The following KCNIP1 variants were observed in gnomAD, a reference collection of about 807,000 sequenced individuals.
KCNIP1 encodes potassium voltage-gated channel interacting protein 1, also known as A-type potassium channel modulatory protein KCNIP1.
KCNIP1 carries 18 observed loss-of-function variants against 33.0 expected under a neutral mutation model. The observed-to-expected ratio is 0.55, with a 90% CI of 0.38 to 0.81. The LOEUF (loss-of-function observed/expected upper bound fraction) is 0.81. Among genes scored for constraint, KCNIP1 ranks in the 30% least tolerant of loss-of-function variants. The pLI, the probability that KCNIP1 is intolerant of heterozygous loss-of-function variation, is 0.00. For missense variants in KCNIP1, 238 were observed against 271.6 expected, an observed-to-expected ratio of 0.88 and a Z score of 0.87; for synonymous variants, 93 against 98.3, an observed-to-expected ratio of 0.95 and a Z score of 0.32.
intron 1 of KCNIP1, among the ~76,000 whole-genome samples, chr5:170,709,767 A>C (rs1411377103): frequency 6.6e-6 from 1 of 151,952 alleles, no homozygotes; most frequent in Admixed American, 6.6e-5. Flanking sequence ...CTTCATTATC[A>C]TTATTTATCT....
chr5:170,385,249 T>C, intron 1 of KCNIP1: 1 of 1,579,836 alleles, frequency 6.3e-7, no homozygotes, highest in Non-Finnish European at 8.7e-7. Context: ...AAGGCCAGGG[T>C]TCCTTACAGA....
intron 1 of KCNIP1, among the ~76,000 whole-genome samples, chr5:170,707,547 A>G (rs150079206): frequency 1.2e-3 from 185 of 152,364 alleles, no homozygotes; most frequent in African/African-American, 4.3e-3. Flanking sequence ...TGGACTTTTA[A>G]TAATTGCATT....
intron 1 of KCNIP1, among the ~76,000 whole-genome samples, chr5:170,610,223 GA>G (rs1440738870): frequency 1.3e-5 from 2 of 152,180 alleles, no homozygotes; most frequent in African/African-American, 4.8e-5. Context: ...ACATGCTGAG[GA>G]GTACGAACCA....
At chr5:170,461,125 G>C (rs1756492498) in intron 1 of KCNIP1, among the ~76,000 whole-genome samples, 2 of 152,002 alleles carry the variant, frequency 1.3e-5, no homozygotes, top group Non-Finnish European at 2.9e-5. Flanking sequence ...ACCTCTACAA[G>C]GAAGACTACA....
intron 1 of KCNIP1, among the ~76,000 whole-genome samples, chr5:170,696,193 C>T (rs1762888243): frequency 6.6e-6 from 1 of 152,276 alleles, no homozygotes; most frequent in South Asian, 2.1e-4. Flanking sequence ...CCTTCATACA[C>T]TTCCCTCACT....
intron 1 of KCNIP1, among the ~76,000 whole-genome samples, chr5:170,454,058 G>T (rs1756318145): frequency 6.6e-6 from 1 of 152,202 alleles, no homozygotes; most frequent in Admixed American, 6.5e-5. Flanking sequence ...TATGTTAGTT[G>T]TTACACAGTT....
chr5:170,693,340 T>C (rs1482746230), intron 1 of KCNIP1, among the ~76,000 whole-genome samples: 1 of 152,160 alleles, frequency 6.6e-6, no homozygotes, highest in Non-Finnish European at 1.5e-5. Context: ...AGTCTACCAG[T>C]CCTCCCTCCT....
At chr5:170,579,491 C>T (rs1206565363) in intron 1 of KCNIP1, among the ~76,000 whole-genome samples, 2 of 152,154 alleles carry the variant, frequency 1.3e-5, no homozygotes, top group African/African-American at 2.4e-5. Context: ...TAAGCAGAAG[C>T]TGGCCCTAGA....
intron 1 of KCNIP1, among the ~76,000 whole-genome samples, chr5:170,425,811 T>C (rs947639584): frequency 1.1e-4 from 16 of 152,200 alleles, no homozygotes; most frequent in African/African-American, 3.6e-4. Flanking sequence ...AGGAGCCACC[T>C]TCCTGCAGGC....
chr5:170,448,140 T>C (rs546987830), intron 1 of KCNIP1, among the ~76,000 whole-genome samples: 4 of 148,706 alleles, frequency 2.7e-5, no homozygotes, highest in East Asian at 1.9e-4. Flanking sequence ...TATTTCATCA[T>C]TGTTAGTAGT....
At chr5:170,589,754 TGTG>T (rs1758145421) in intron 1 of KCNIP1, among the ~76,000 whole-genome samples, 1 of 139,554 alleles carries the variant, frequency 7.2e-6, no homozygotes, top group Non-Finnish European at 1.6e-5. Flanking sequence ...TGTGGTGTGG[TGTG>T]GTGTGGTGTG....
At chr5:170,364,198 G>T (rs148095072) in intron 1 of KCNIP1, among the ~76,000 whole-genome samples, 2 of 151,828 alleles carry the variant, frequency 1.3e-5, no homozygotes, top group African/African-American at 2.4e-5. Context: ...TAGAGATGAG[G>T]TTTCTCCATG....
chr5:170,390,517 A>AAAAAAAAAAAAAAAAAAT, intron 1 of KCNIP1, among the ~76,000 whole-genome samples: 8 of 74,542 alleles, frequency 1.1e-4, no homozygotes, highest in African/African-American at 4.5e-4. Context: ...AAAAAAAACA[A>AAAAAAAAAAAAAAAAAAT]ATATATATAT....
At chr5:170,412,173 C>A (rs1236622010) in intron 1 of KCNIP1, among the ~76,000 whole-genome samples, 1 of 152,200 alleles carries the variant, frequency 6.6e-6, no homozygotes, top group Non-Finnish European at 1.5e-5. Flanking sequence ...CTCTACCCAG[C>A]CCACCAATAC....
chr5:170,460,821 GA>G (rs1407034879), intron 1 of KCNIP1, among the ~76,000 whole-genome samples: 1 of 152,098 alleles, frequency 6.6e-6, no homozygotes, highest in African/African-American at 2.4e-5. Context: ...TAAGACAAGA[GA>G]AAGAAATAAA....
At chr5:170,463,833 G>A (rs1756555696) in intron 1 of KCNIP1, among the ~76,000 whole-genome samples, 1 of 151,900 alleles carries the variant, frequency 6.6e-6, no homozygotes, top group Non-Finnish European at 1.5e-5. Flanking sequence ...AATTAGGCAA[G>A]GAAATGAAAT....
intron 1 of KCNIP1, among the ~76,000 whole-genome samples, chr5:170,620,932 G>T (rs541862107): frequency 1.6e-4 from 24 of 152,258 alleles, no homozygotes; most frequent in African/African-American, 5.8e-4. Flanking sequence ...TCTGCTTCCA[G>T]GATCCTTCCA....
intron 1 of KCNIP1, among the ~76,000 whole-genome samples, chr5:170,461,710 AC>A (rs1379753782): frequency 6.6e-6 from 1 of 151,382 alleles, no homozygotes; most frequent in East Asian, 1.9e-4. Flanking sequence ...AGATAGAGCC[AC>A]TGCACTCCAG....
At chr5:170,678,214 A>C (rs1762214556) in intron 1 of KCNIP1, among the ~76,000 whole-genome samples, 3 of 152,248 alleles carry the variant, frequency 2.0e-5, no homozygotes, top group Admixed American at 1.3e-4. Context: ...ACAAATGCCA[A>C]ATCACAGACT....
Sources: allele counts gnomAD v4.1 joint callset (sites outside exome capture counted in the v4.1 genomes callset), GRCh38; gene constraint gnomAD v4.1.1; transcripts MANE v1.5; gene names NCBI Gene and HGNC (gene_info 2026-07-23, HGNC 2026-07-21).